Variants in RBFOX1 observed in about 807,000 individuals in gnomAD.
RBFOX1 encodes RNA binding fox-1 homolog 1.
In RBFOX1, 8 loss-of-function variants were observed where a neutral mutation model predicts 57.7. The ratio of observed to expected loss-of-function variants is 0.14; its 90% CI spans 0.08 to 0.25. The LOEUF is 0.25. Ranked by LOEUF, RBFOX1 falls within the 10% of genes least tolerant of loss-of-function variation. The probability of loss-of-function intolerance (pLI) is 1.00; values close to 1 mark genes in which losing one functional copy is unlikely to be tolerated. For missense variants in RBFOX1, 611 were observed against 548.5 expected (o/e 1.11, Z -1.14); for synonymous variants, 326 against 222.4 (o/e 1.47, Z -4.15).
chr16:6,965,504 T>C (rs2083939513), intron 3 of RBFOX1, among the ~76,000 whole-genome samples: 1 of 152,078 alleles, frequency 6.6e-6, no homozygotes, highest in African/African-American at 2.4e-5. Flanking sequence ...GCCTGGCTAA[T>C]TTTTGTATTT....
chr16:7,044,819 G>T (rs1021106954), intron 3 of RBFOX1, among the ~76,000 whole-genome samples: 1 of 152,116 alleles, frequency 6.6e-6, no homozygotes, highest in South Asian at 2.1e-4. Flanking sequence ...CTTCATCACA[G>T]ACTGTAGGGA....
chr16:5,823,431 A>G (rs544208099), intron 3 of RBFOX1, among the ~76,000 whole-genome samples: 1 of 152,270 alleles, frequency 6.6e-6, no homozygotes, highest in East Asian at 1.9e-4. Context: ...TATTGAGGGA[A>G]TAGTCGATAT....
intron 1 of RBFOX1, chr16:6,037,304 T>C (rs768354301): frequency 2.0e-5 from 3 of 152,134 alleles, no homozygotes; most frequent in Non-Finnish European, 4.4e-5. Context: ...AGAAAGTCCT[T>C]CCTGAAAATT....
chr16:6,696,994 C>G (rs796075224), intron 3 of RBFOX1, among the ~76,000 whole-genome samples: 6 of 152,298 alleles, frequency 3.9e-5, no homozygotes, highest in African/African-American at 1.4e-4. Context: ...TCAAAAGTGA[C>G]TGCATTTAAA....
intron 2 of RBFOX1, among the ~76,000 whole-genome samples, chr16:5,547,613 G>C (rs2045265425): frequency 6.6e-6 from 1 of 152,166 alleles, no homozygotes; most frequent in East Asian, 1.9e-4. Flanking sequence ...TGGGAAGTGG[G>C]AAAGGATGAG....
chr16:6,680,093 A>T (rs1245155751), intron 3 of RBFOX1, among the ~76,000 whole-genome samples: 1 of 151,642 alleles, frequency 6.6e-6, no homozygotes, highest in African/African-American at 2.4e-5. Flanking sequence ...GCAACTTGGA[A>T]CTTCAGTTTT....
chr16:7,492,733 GCTGA>G (rs2067325632), intron 4 of RBFOX1, among the ~76,000 whole-genome samples: 1 of 151,982 alleles, frequency 6.6e-6, no homozygotes, highest in African/African-American at 2.4e-5. Context: ...TGTTGTGAAA[GCTGA>G]CTGTTTAAAA....
At chr16:6,343,453 A>G (rs997681819) in intron 2 of RBFOX1, among the ~76,000 whole-genome samples, 18 of 152,206 alleles carry the variant, frequency 1.2e-4, no homozygotes, top group African/African-American at 4.3e-4. Flanking sequence ...GAAGAACTGA[A>G]GTGAGGATTT....
intron 3 of RBFOX1, among the ~76,000 whole-genome samples, chr16:6,944,589 C>G (rs527781917): frequency 4.6e-5 from 7 of 152,118 alleles, no homozygotes; most frequent in Admixed American, 1.3e-4. Context: ...GAGACTGGGT[C>G]TCGTAGATCT....
At chr16:6,746,382 C>G (rs1477446060) in intron 3 of RBFOX1, among the ~76,000 whole-genome samples, 1 of 152,086 alleles carries the variant, frequency 6.6e-6, no homozygotes, top group Non-Finnish European at 1.5e-5. Flanking sequence ...CTACAATAAT[C>G]AAGAAAGTGG....
At chr16:7,509,360 G>C (rs1001112760) in intron 4 of RBFOX1, among the ~76,000 whole-genome samples, 1 of 151,414 alleles carries the variant, frequency 6.6e-6, no homozygotes, top group African/African-American at 2.4e-5. Flanking sequence ...GAATGAATTC[G>C]TTTACATAAT....
At chr16:7,212,125 G>GGTGGATA (rs2091260876) in intron 4 of RBFOX1, among the ~76,000 whole-genome samples, 1 of 152,178 alleles carries the variant, frequency 6.6e-6, no homozygotes, top group South Asian at 2.1e-4. Flanking sequence ...ATGGAAGGAA[G>GGTGGATA]GTGGATAGGA....
At chr16:7,624,698 T>A (rs1263728146) in intron 10 of RBFOX1, among the ~76,000 whole-genome samples, 1 of 152,100 alleles carries the variant, frequency 6.6e-6, no homozygotes, top group East Asian at 1.9e-4. Context: ...GGTTCTAGGG[T>A]TCTCCTCTTA....
At chr16:5,920,327 A>G (rs553789239) in intron 4 of RBFOX1, among the ~76,000 whole-genome samples, 1 of 152,264 alleles carries the variant, frequency 6.6e-6, no homozygotes, top group Admixed American at 6.5e-5. Context: ...GTATGTAGAG[A>G]GATCCTACTT....
intron 3 of RBFOX1, among the ~76,000 whole-genome samples, chr16:6,950,142 G>C (rs1254500632): frequency 7.5e-6 from 1 of 133,832 alleles, no homozygotes; most frequent in African/African-American, 2.9e-5. Flanking sequence ...TTTTTAAGTA[G>C]CCATGGGGTT....
At chr16:6,421,614 G>T (rs768775485) in intron 2 of RBFOX1, among the ~76,000 whole-genome samples, 1 of 152,144 alleles carries the variant, frequency 6.6e-6, no homozygotes. Context: ...CATTCTATTT[G>T]TTCCTGCCTC....
At chr16:7,698,699 T>C (rs1476924958) in intron 14 of RBFOX1, among the ~76,000 whole-genome samples, 1 of 152,188 alleles carries the variant, frequency 6.6e-6, no homozygotes. Flanking sequence ...GTAAATTGAT[T>C]TGTGGCTAAT....
intron 14 of RBFOX1, among the ~76,000 whole-genome samples, chr16:7,687,802 A>G (rs891745485): frequency 2.0e-5 from 3 of 152,056 alleles, no homozygotes; most frequent in African/African-American, 7.2e-5. Flanking sequence ...TAAACCCAAA[A>G]GACACAACTG....
intron 4 of RBFOX1, among the ~76,000 whole-genome samples, chr16:7,067,161 C>T (rs1388598656): frequency 6.6e-6 from 1 of 152,178 alleles, no homozygotes; most frequent in East Asian, 1.9e-4. Flanking sequence ...GAGAACTGAA[C>T]AGGTGATCCT....
Sources: allele counts gnomAD v4.1 joint callset (sites outside exome capture counted in the v4.1 genomes callset), GRCh38; gene constraint gnomAD v4.1.1; transcripts MANE v1.5; gene names NCBI Gene and HGNC (gene_info 2026-07-23, HGNC 2026-07-21).